FLRT2: variants seen among roughly 807,000 people sequenced by gnomAD.
FLRT2 encodes fibronectin leucine rich transmembrane protein 2.
A neutral mutation model predicts 40.0 loss-of-function variants in FLRT2; 15 were observed. The ratio of observed to expected loss-of-function variants is 0.38; its 90% CI spans 0.25 to 0.58. FLRT2 has a LOEUF of 0.58. Among genes scored for constraint, FLRT2 ranks in the 20% least tolerant of loss-of-function variants. The pLI is 0.71. For missense variants in FLRT2, 726 were observed against 840.0 expected (o/e 0.86, Z 1.68); for synonymous variants, 380 against 336.8 (o/e 1.13, Z -1.41).
rs1473934815 is a variant in FLRT2 at position 85,626,057 on chromosome 14, G to C, written c.*2560G>C. 1 of 167,058 alleles carries C rather than the reference G, an allele frequency of 6.0e-6. No individual in the cohort carries two copies. The highest frequency in any genetic ancestry group is 1.5e-5 in the Non-Finnish European group (1 of 68,140). The allele number at this position is 167,058 out of a possible 1,614,324, so 10.3% of individuals were successfully genotyped here. On this transcript the variant is annotated 3_prime_UTR_variant, in exon 2 of 2. Transcript: ENST00000330753. ...CTTTTGCTGGAGGTGTTCCTGAAGA[G>C]ATTGAACCTAGTAACAGGCTTTATT... is the stretch of plus-strand genomic sequence containing the variant.
In FLRT2 at chr14:85,627,435, A is replaced by G. The variant is rs1893733218; in HGVS notation, c.*3938A>G. ...TGTCACTGTGGAGAAAGAGTTTTGT[A>G]TATGTCTGATACCGTTGTTATAACA... On this transcript the variant is annotated 3_prime_UTR_variant, in exon 2 of 2. Coordinates refer to ENST00000330753, the MANE Select transcript of FLRT2 (RefSeq NM_013231.6). The G allele has an allele frequency of 6.0e-6, 1 of 167,080 alleles. No homozygotes were observed. 10.3% of individuals were successfully genotyped at this position (167,080 alleles called of 1,614,324 possible).
chr14:85,577,748 G>A (rs1891183392), intron 1 of FLRT2, among the ~76,000 whole-genome samples: 1 of 151,872 alleles, frequency 6.6e-6, no homozygotes, highest in South Asian at 2.1e-4. Flanking sequence ...CACTGCACCT[G>A]GCTAAGGTTT....
At chr14:85,571,086 T>C (rs1890871624) in intron 1 of FLRT2, among the ~76,000 whole-genome samples, 1 of 152,088 alleles carries the variant, frequency 6.6e-6, no homozygotes, top group Non-Finnish European at 1.5e-5. Context: ...TTCTGAAGAT[T>C]TGGGACTCGG....
intron 1 of FLRT2, among the ~76,000 whole-genome samples, chr14:85,564,055 A>G (rs8014672): frequency 0.82 from 124,389 of 152,100 alleles, 51,109 homozygotes; most frequent in African/African-American, 0.86. Context: ...TCCTACATAG[A>G]TGAACTTATT....
At chr14:85,531,720 C>A (rs893240128) in intron 1 of FLRT2, among the ~76,000 whole-genome samples, 1 of 152,170 alleles carries the variant, frequency 6.6e-6, no homozygotes, top group Admixed American at 6.5e-5. Flanking sequence ...CCCCCAGCCG[C>A]GCTCCCTCCT....
rs1344684112 is a variant in FLRT2, at chr14:85,652,342, A to G, written c.*28845A>G. The G allele has an allele frequency of 1.3e-5, 2 of 152,074 alleles. No individual in the cohort carries two copies. The highest frequency in any genetic ancestry group is 2.4e-5 in the African/African-American group (1 of 41,436). 9.4% of individuals were successfully genotyped at this position (152,074 alleles called of 1,614,324 possible). A position where few individuals can be genotyped will look rare whatever the true frequency, so the allele number is the denominator to read the frequency against. On this transcript the variant is annotated 3_prime_UTR_variant, in exon 2 of 2. Transcript: ENST00000330753. ...AACTTTTTTAATTGTTTGGGGAAAGACTTCTATTTCTTATGACATGCTTCC... is the reference window on the plus strand; with the variant it reads ...AACTTTTTTAATTGTTTGGGGAAAGGCTTCTATTTCTTATGACATGCTTCC...
rs545106245 is a variant in FLRT2, at chr14:85,560,459, C to T, written c.-377+29925C>T. Among the ~76,000 whole-genome samples the T allele has an allele frequency of 3.1e-3, 469 of 152,164 alleles. 1 individual carries two copies. Among genetic ancestry groups the T allele is most frequent in the African/African-American group, 0.011 (446 of 41,526 alleles). On this transcript the variant is annotated intron_variant, in intron 1 of 1. Coordinates refer to ENST00000330753, the MANE Select transcript of FLRT2 (RefSeq NM_013231.6). Reference sequence around the variant, plus strand: ...GCATGGTGGCACGTGGCTGTAATCTCAGCTACTTGGGAAGCTGAAGGAGGA... The same window carrying T: ...GCATGGTGGCACGTGGCTGTAATCTTAGCTACTTGGGAAGCTGAAGGAGGA...
At chr14:85,615,634 A>G (rs1337150160) in intron 1 of FLRT2, among the ~76,000 whole-genome samples, 2 of 152,192 alleles carry the variant, frequency 1.3e-5, no homozygotes, top group Non-Finnish European at 2.9e-5. Flanking sequence ...CGGGGTGGCT[A>G]TTGATATATG....
At chr14:85,533,347 G>A (rs577965765) in intron 1 of FLRT2, among the ~76,000 whole-genome samples, 2 of 152,136 alleles carry the variant, frequency 1.3e-5, no homozygotes, top group East Asian at 3.9e-4. Flanking sequence ...TCGGATTGAG[G>A]CAGTAGTGTG....
rs1323210774 is a variant in FLRT2, at chr14:85,640,368, A to G, written c.*16871A>G. 1 of 152,176 alleles carries G rather than the reference A, an allele frequency of 6.6e-6. No homozygotes were observed. The highest frequency in any genetic ancestry group is 2.4e-5 in the African/African-American group (1 of 41,448). The allele number at this position is 152,176 out of a possible 1,614,324, so 9.4% of individuals were successfully genotyped here. A position where few individuals can be genotyped will look rare whatever the true frequency, so the allele number is the denominator to read the frequency against. On this transcript the variant is annotated 3_prime_UTR_variant, in exon 2 of 2. Transcript: ENST00000330753. ...TGCTGACTACATCTAGAATCATGCA[A>G]TTATTAGTTTTTAATAAAGATCGTG...
chr14:85,584,229 A>G (rs1199660743), intron 1 of FLRT2, among the ~76,000 whole-genome samples: 4 of 152,166 alleles, frequency 2.6e-5, no homozygotes, highest in Non-Finnish European at 2.9e-5. Flanking sequence ...GTTGATTAAT[A>G]TTTGCACAGG....
In FLRT2 at chr14:85,651,263, G is replaced by T. The variant is rs1594982488; in HGVS notation, c.*27766G>T. 1 of 99,200 alleles carries T rather than the reference G, an allele frequency of 1.0e-5. No individual in the cohort carries two copies. Among genetic ancestry groups the T allele is most frequent in the Admixed American group, 1.1e-4 (1 of 9,198 alleles). The allele number at this position is 99,200 out of a possible 1,614,324, so 6.1% of individuals were successfully genotyped here. The stretch of plus-strand genomic sequence containing the variant: ...TAGCCTGGAAAGTATTCGTTTGTTT[G>T]TGTGTGTGTGTGTGTGTGTGTGTGT... On this transcript the variant is annotated 3_prime_UTR_variant, in exon 2 of 2. Transcript: ENST00000330753.
chr14:85,556,661 T>C (rs1455707476), intron 1 of FLRT2, among the ~76,000 whole-genome samples: 2 of 152,248 alleles, frequency 1.3e-5, no homozygotes, highest in Non-Finnish European at 2.9e-5. Flanking sequence ...TTTTCTCATG[T>C]AGAGCCTGGA....
At chr14:85,557,218 G>A (rs1890023712) in intron 1 of FLRT2, among the ~76,000 whole-genome samples, 1 of 151,364 alleles carries the variant, frequency 6.6e-6, no homozygotes, top group Admixed American at 6.6e-5. Flanking sequence ...CTCTTACTAA[G>A]GTAGAAGCTT....
intron 1 of FLRT2, among the ~76,000 whole-genome samples, chr14:85,574,391 C>A (rs1891031222): frequency 6.6e-6 from 1 of 151,944 alleles, no homozygotes; most frequent in African/African-American, 2.4e-5. Flanking sequence ...CTTGTTTTAT[C>A]TTGTTTGGCA....
At chr14:85,549,397 C>A (rs1211897219) in intron 1 of FLRT2, among the ~76,000 whole-genome samples, 1 of 152,340 alleles carries the variant, frequency 6.6e-6, no homozygotes, top group East Asian at 1.9e-4. Context: ...GCCTCTGCAC[C>A]TGCTCACCTG....
At chr14:85,530,715 T>G (rs984150155) in intron 1 of FLRT2, among the ~76,000 whole-genome samples, 181 bp downstream of exon 1, 1 of 152,046 alleles carries the variant, frequency 6.6e-6, no homozygotes, top group Non-Finnish European at 1.5e-5. Context: ...CTTAGCTCTC[T>G]CTCGACTTTG....
intron 1 of FLRT2, among the ~76,000 whole-genome samples, chr14:85,579,903 A>T (rs1157777814): frequency 6.7e-6 from 1 of 148,246 alleles, no homozygotes; most frequent in Non-Finnish European, 1.5e-5. Flanking sequence ...AGGGGTGGTC[A>T]TTCCATGCAC....
At position 85,543,881 on chromosome 14, in the gene FLRT2, C is replaced by A. The variant is rs1024535656; in HGVS notation, c.-377+13347C>A. Reference sequence around the variant, plus strand: ...AGTTTTGTTTGAACTTTGATTGGTTCTCTGTTTATATTGTATTATAAAATG... The same window carrying A: ...AGTTTTGTTTGAACTTTGATTGGTTATCTGTTTATATTGTATTATAAAATG... On this transcript the variant is annotated intron_variant, in intron 1 of 1. Transcript: ENST00000330753. 2.0e-5 allele frequency among the ~76,000 whole-genome samples: 3 copies of A among 152,202 alleles called. No individual in the cohort carries two copies. In the East Asian group the frequency reaches 5.8e-4, roughly 29 times the overall value.
Sources: gnomAD v4.1 joint callset for allele counts (sites outside exome capture counted in the v4.1 genomes callset) on GRCh38, gnomAD v4.1.1 for gene constraint, MANE v1.5 for transcripts, NCBI Gene and HGNC (gene_info 2026-07-23, HGNC 2026-07-21) for gene names.